Variants in FOCAD observed in about 807,000 individuals in gnomAD.
The protein encoded by FOCAD is focadhesin.
A neutral mutation model predicts 225.6 loss-of-function variants in FOCAD; 198 were observed. That is an observed-to-expected ratio of 0.88 (90% CI 0.78 to 0.99). The LOEUF (loss-of-function observed/expected upper bound fraction) is 0.99. Ranked by LOEUF, FOCAD falls within the 50% of genes least tolerant of loss-of-function variation. The pLI, the probability that FOCAD is intolerant of heterozygous loss-of-function variation, is 0.00. For synonymous variants in FOCAD, 897 were observed against 755.0 expected, an observed-to-expected ratio of 1.19 and a Z score of -3.08; for missense variants, 2,713 against 2,123.6, an observed-to-expected ratio of 1.28 and a Z score of -5.46.
At chr9:20,760,629 C>A (rs949313012) in intron 6 of FOCAD, among the ~76,000 whole-genome samples, 6 of 151,530 alleles carry the variant, frequency 4.0e-5, no homozygotes, top group African/African-American at 7.3e-5. Flanking sequence ...TTTTTTTTGC[C>A]CTAGGGTCTT....
intron 10 of FOCAD, among the ~76,000 whole-genome samples, chr9:20,787,537 A>G (rs576044488): frequency 6.6e-6 from 1 of 150,836 alleles, no homozygotes; most frequent in Admixed American, 6.6e-5. Context: ...TCATGGGAAG[A>G]AAAATATTTT....
chr9:20,965,719 A>G (rs1033413967), intron 35 of FOCAD, among the ~76,000 whole-genome samples: 5 of 152,168 alleles, frequency 3.3e-5, no homozygotes, highest in African/African-American at 1.2e-4. Flanking sequence ...CTAGCAACCA[A>G]TAATTTGCTT....
chr9:20,802,240 T>G (rs544770801), intron 11 of FOCAD, among the ~76,000 whole-genome samples: 1 of 152,268 alleles, frequency 6.6e-6, no homozygotes, highest in Admixed American at 6.5e-5. Context: ...ACTTCTACAT[T>G]GAAAACAATT....
At chr9:20,727,070 A>G (rs191487254) in intron 4 of FOCAD, among the ~76,000 whole-genome samples, 11 of 152,294 alleles carry the variant, frequency 7.2e-5, no homozygotes, top group African/African-American at 2.4e-4. Context: ...AACTTTTAGT[A>G]GAGAGTGACA....
chr9:20,951,148 C>T (rs1293705825), intron 34 of FOCAD, 50 bp downstream of exon 34: 1 of 1,376,634 alleles, frequency 7.3e-7, no homozygotes, highest in Non-Finnish European at 1.0e-6. Flanking sequence ...GGATTGCCGA[C>T]CCAGCGCTCT....
chr9:20,974,761 C>T (rs1040446675), intron 35 of FOCAD, among the ~76,000 whole-genome samples: 4 of 150,546 alleles, frequency 2.7e-5, no homozygotes, highest in Non-Finnish European at 5.9e-5. Flanking sequence ...ACTCTTGCTT[C>T]CCCATTTTAG....
At chr9:20,733,425 A>AC (rs1826875522) in intron 4 of FOCAD, among the ~76,000 whole-genome samples, 1 of 152,066 alleles carries the variant, frequency 6.6e-6, no homozygotes. Context: ...TTACATATGT[A>AC]CACATGTGCC....
chr9:20,706,516 T>C (rs1824400062), intron 1 of FOCAD, among the ~76,000 whole-genome samples: 1 of 152,146 alleles, frequency 6.6e-6, no homozygotes, highest in Admixed American at 6.5e-5. Flanking sequence ...GATGCAGTGA[T>C]ATGGAATTGT....
At chr9:20,798,696 C>T (rs555146320) in intron 11 of FOCAD, among the ~76,000 whole-genome samples, 2 of 151,528 alleles carry the variant, frequency 1.3e-5, no homozygotes, top group South Asian at 4.2e-4. Flanking sequence ...TGGTGATATC[C>T]CCTTTATCAT....
chr9:20,948,368 C>T lies in FOCAD; in HGVS notation c.3773C>T (p.Ala1258Val). The stretch of plus-strand genomic sequence containing the variant: ...GACTTGGGCAGCAAACTACTCCCTG[C>T]CTGGATCAGAATTGTTCTAACAGAG... ...AEDLGSKLLPAWIRIVLTEGT... is the reference protein window; with the variant it reads ...AEDLGSKLLPVWIRIVLTEGT... The change falls in exon 31 of 44, where the codon GCC (alanine) becomes GTC (valine). Residue 1258 changes from alanine (A) to valine (V), a missense_variant. Physicochemically the swap from Ala to Val is moderately conservative, Grantham distance 64. Transcript: ENST00000338382. 1 of 1,612,298 alleles carries T rather than the reference C, an allele frequency of 6.2e-7. No individual in the cohort carries two copies. The highest frequency in any genetic ancestry group is 8.5e-7 in the Non-Finnish European group (1 of 1,178,772).
At chr9:20,963,449 G>A (rs1838952945) in intron 35 of FOCAD, among the ~76,000 whole-genome samples, 1 of 152,144 alleles carries the variant, frequency 6.6e-6, no homozygotes, top group African/African-American at 2.4e-5. Flanking sequence ...TGTTTCCCTA[G>A]ATCCTCTGGA....
At chr9:20,700,510 C>G (rs1823857193) in intron 1 of FOCAD, among the ~76,000 whole-genome samples, 1 of 148,092 alleles carries the variant, frequency 6.8e-6, no homozygotes, top group Non-Finnish European at 1.5e-5. Flanking sequence ...TTTGCACTAT[C>G]TACACAAAAA....
At chr9:20,798,250 A>G (rs1821361716) in intron 11 of FOCAD, among the ~76,000 whole-genome samples, 1 of 152,224 alleles carries the variant, frequency 6.6e-6, no homozygotes, top group Non-Finnish European at 1.5e-5. Flanking sequence ...TTGGTTTGCC[A>G]GTATTTTATT....
At chr9:20,785,056 A>G (rs912184260) in intron 10 of FOCAD, among the ~76,000 whole-genome samples, 1 of 152,068 alleles carries the variant, frequency 6.6e-6, no homozygotes, top group Non-Finnish European at 1.5e-5. Context: ...TGAGCATTTC[A>G]TATGTGCAGG....
At chr9:20,797,823 T>C (rs1235602320) in intron 11 of FOCAD, among the ~76,000 whole-genome samples, 2 of 152,194 alleles carry the variant, frequency 1.3e-5, no homozygotes, top group Non-Finnish European at 2.9e-5. Context: ...CTTTTCCTAA[T>C]TGAATACCCT....
At chr9:20,786,563 T>C (rs1283601873) in intron 10 of FOCAD, among the ~76,000 whole-genome samples, 1 of 152,242 alleles carries the variant, frequency 6.6e-6, no homozygotes, top group East Asian at 1.9e-4. Flanking sequence ...GTCTATATGT[T>C]TGAGTTCCTA....
intron 15 of FOCAD, among the ~76,000 whole-genome samples, chr9:20,850,835 C>T (rs962354392): frequency 6.7e-6 from 1 of 148,556 alleles, no homozygotes; most frequent in African/African-American, 2.5e-5. Flanking sequence ...GTAATTTCCC[C>T]CTCTATATCT....
intron 16 of FOCAD, 138 bp downstream of exon 16, chr9:20,862,850 C>G (rs894435923): frequency 2.7e-5 from 24 of 880,976 alleles, no homozygotes; most frequent in Non-Finnish European, 3.6e-5. Flanking sequence ...TTTATGGACT[C>G]TTAGGAGTAA....
At chr9:20,834,234 G>C (rs1587347719) in intron 15 of FOCAD, among the ~76,000 whole-genome samples, 1 of 151,988 alleles carries the variant, frequency 6.6e-6, no homozygotes, top group African/African-American at 2.4e-5. Flanking sequence ...TCACTTATAA[G>C]TGGGAGCTGA....
Sources: allele counts gnomAD v4.1 joint callset (sites outside exome capture counted in the v4.1 genomes callset), GRCh38; gene constraint gnomAD v4.1.1; transcripts MANE v1.5; gene names NCBI Gene and HGNC (gene_info 2026-07-23, HGNC 2026-07-21).